The following ANK3 variants were observed in gnomAD, a reference collection of about 807,000 sequenced individuals.
ANK3 encodes ankyrin-3.
Under a neutral mutation model 370.9 loss-of-function variants are expected in ANK3, and 57 were observed. That is an observed-to-expected ratio of 0.15 (90% CI 0.12 to 0.19). ANK3 has a LOEUF of 0.19. ANK3 is among the 10% of genes least tolerant of loss of function. ANK3 has a pLI of 1.00. For missense variants in ANK3, 4,439 were observed against 5,302.1 expected, an observed-to-expected ratio of 0.84 and a Z score of 5.06; for synonymous variants, 1,929 against 1,946.3, an observed-to-expected ratio of 0.99 and a Z score of 0.23.
At chr10:60,682,219 ACT>A (rs1439638199) in intron 1 of ANK3, among the ~76,000 whole-genome samples, 67 of 152,140 alleles carry the variant, frequency 4.4e-4, no homozygotes, top group African/African-American at 1.5e-3. Flanking sequence ...AGCTTAAATA[ACT>A]TGTCCAAGGT....
intron 2 of ANK3, among the ~76,000 whole-genome samples, chr10:60,600,289 C>CTT (rs1297541903): frequency 6.6e-6 from 1 of 152,122 alleles, no homozygotes; most frequent in African/African-American, 2.4e-5. Context: ...CTGACCTTCT[C>CTT]TTTATTCCTG....
intron 1 of ANK3, among the ~76,000 whole-genome samples, chr10:60,353,241 C>A (rs1317317270): frequency 6.6e-6 from 1 of 151,320 alleles, no homozygotes; most frequent in Non-Finnish European, 1.5e-5. Context: ...GATCCACCTG[C>A]CTCAGCCTCC....
intron 23 of ANK3, among the ~76,000 whole-genome samples, chr10:60,164,064 C>A (rs1490985906): frequency 6.6e-6 from 1 of 152,158 alleles, no homozygotes; most frequent in African/African-American, 2.4e-5. Context: ...GCAAATGAGT[C>A]AGAAGTTAAA....
rs780962210 is a variant in ANK3, at chr10:60,071,579, A to G, written c.9302T>C (p.Val3101Ala). The stretch of plus-strand genomic sequence containing the variant: ...TATCTCCTTTTCATATTGCTTCCCC[A>G]CTTGTACAAAACTGACATAAACGGG... ...TLPVYVSFVQ[V>A]GKQYEKEIQQ... Residue 3101 changes from valine to alanine, a missense_variant, in exon 37 of 44, where the codon GTG (valine) becomes GCG (alanine). Physicochemically the swap from Val to Ala is moderately conservative, Grantham distance 64. This residue lies in a region of ANK3 where 1,601 missense variants were observed against 1,731.7 expected (regional missense o/e 0.92). Coordinates refer to ENST00000280772, the MANE Select transcript of ANK3 (RefSeq NM_020987.5). 1.2e-6 allele frequency: 2 copies of G among 1,613,714 alleles called. No homozygotes were observed. The highest frequency in any genetic ancestry group is 4.5e-5 in the East Asian group (2 of 44,828).
chr10:60,034,000 C>T (rs2074313373), intron 43 of ANK3, among the ~76,000 whole-genome samples: 2 of 147,668 alleles, frequency 1.4e-5, no homozygotes, highest in Non-Finnish European at 3.0e-5. Flanking sequence ...CAGTGCTTCT[C>T]AAAGTTTAAT....
intron 1 of ANK3, among the ~76,000 whole-genome samples, chr10:60,651,015 G>A (rs1027897788): frequency 6.6e-6 from 1 of 152,154 alleles, no homozygotes; most frequent in Non-Finnish European, 1.5e-5. Flanking sequence ...AGGACTGCTT[G>A]AGCACAGAAG....
chr10:60,043,272 G>C (rs568010311), intron 42 of ANK3: 1 of 985,444 alleles, frequency 1.0e-6, no homozygotes, highest in South Asian at 4.7e-5. Flanking sequence ...CAGGAATACA[G>C]TTCCCCGAGA....
intron 2 of ANK3, among the ~76,000 whole-genome samples, chr10:60,522,877 T>C (rs1297899260): frequency 1.3e-5 from 2 of 152,092 alleles, no homozygotes; most frequent in East Asian, 1.9e-4. Context: ...AGCAGACACA[T>C]ACACGGACAA....
intron 2 of ANK3, among the ~76,000 whole-genome samples, chr10:60,565,097 A>G (rs1010916578): frequency 2.0e-5 from 3 of 152,094 alleles, no homozygotes. Context: ...GAGATAAATG[A>G]TGGTACAAAA....
At chr10:60,363,150 G>A (rs1450145759) in intron 1 of ANK3, among the ~76,000 whole-genome samples, 1 of 152,160 alleles carries the variant, frequency 6.6e-6, no homozygotes, top group Non-Finnish European at 1.5e-5. Context: ...ACCCAGGTTG[G>A]TTGTGACTTC....
intron 28 of ANK3, among the ~76,000 whole-genome samples, chr10:60,103,205 C>T (rs2091606594): frequency 6.6e-6 from 1 of 152,138 alleles, no homozygotes; most frequent in African/African-American, 2.4e-5. Context: ...TTGCCTCGGC[C>T]TCCCAAAGTG....
chr10:60,380,553 C>A (rs573378263), intron 1 of ANK3, among the ~76,000 whole-genome samples: 47 of 152,234 alleles, frequency 3.1e-4, no homozygotes, highest in African/African-American at 1.1e-3. Context: ...AATATCCATG[C>A]CATGAAGATT....
chr10:60,303,018 G>A (rs867627120), intron 1 of ANK3, among the ~76,000 whole-genome samples: 2 of 152,154 alleles, frequency 1.3e-5, no homozygotes, highest in African/African-American at 4.8e-5. Context: ...GCAGAAAAAT[G>A]AAATCAGATT....
At chr10:60,395,571 T>TCTTC (rs2063207773) in intron 2 of ANK3, among the ~76,000 whole-genome samples, 1 of 118,484 alleles carries the variant, frequency 8.4e-6, no homozygotes, top group Non-Finnish European at 1.7e-5. Flanking sequence ...TTTCTTTCTT[T>TCTTC]CTTTCTTTCT....
chr10:60,523,162 T>A (rs2076388104), intron 2 of ANK3, among the ~76,000 whole-genome samples: 1 of 152,058 alleles, frequency 6.6e-6, no homozygotes, highest in Non-Finnish European at 1.5e-5. Flanking sequence ...GAAGTAGATT[T>A]GTGCCAAAGA....
At chr10:60,294,138 T>C (rs548572191) in intron 1 of ANK3, among the ~76,000 whole-genome samples, 131 of 152,062 alleles carry the variant, frequency 8.6e-4, no homozygotes, top group African/African-American at 3.1e-3. Context: ...AGTATTTGAA[T>C]AGATGAACAT....
At chr10:60,535,018 A>G (rs532793570) in intron 2 of ANK3, among the ~76,000 whole-genome samples, 2 of 152,244 alleles carry the variant, frequency 1.3e-5, no homozygotes, top group African/African-American at 4.8e-5. Flanking sequence ...GTAAATATTC[A>G]TACAACTGCT....
intron 39 of ANK3, among the ~76,000 whole-genome samples, chr10:60,063,737 G>C (rs576040527): frequency 3.9e-5 from 6 of 152,226 alleles, no homozygotes; most frequent in East Asian, 1.9e-4. Flanking sequence ...CAACAGTAGA[G>C]CCAACCAAGC....
At chr10:60,419,341 G>T (rs539653225) in intron 2 of ANK3, among the ~76,000 whole-genome samples, 2 of 152,036 alleles carry the variant, frequency 1.3e-5, no homozygotes, top group South Asian at 4.2e-4. Flanking sequence ...GATCTCAGAG[G>T]CCCCTGCTCC....
Sources: gnomAD v4.1 joint callset for allele counts (sites outside exome capture counted in the v4.1 genomes callset) on GRCh38, gnomAD v4.1.1 for gene constraint, gnomAD v4.1.1 regional missense constraint, MANE v1.5 for transcripts, NCBI Gene and HGNC (gene_info 2026-07-23, HGNC 2026-07-21) for gene names.